FSTL5: variants seen among roughly 807,000 people sequenced by gnomAD.
FSTL5 encodes follistatin-related protein 5.
In FSTL5, 62 loss-of-function variants were observed where a neutral mutation model predicts 89.1. That is an observed-to-expected ratio of 0.70 (90% CI 0.57 to 0.86). The LOEUF is 0.86. FSTL5 is among the 40% of genes least tolerant of loss of function. The pLI is 0.00. For synonymous variants in FSTL5, 383 were observed against 346.2 expected, an observed-to-expected ratio of 1.11 and a Z score of -1.18; for missense variants, 1,057 against 1,001.6, an observed-to-expected ratio of 1.06 and a Z score of -0.75.
chr4:161,811,240 T>C (rs1730136081), intron 4 of FSTL5, among the ~76,000 whole-genome samples: 1 of 151,258 alleles, frequency 6.6e-6, no homozygotes, highest in Admixed American at 6.6e-5. Context: ...ACAACCAGAG[T>C]GCCAAAGGAG....
chr4:162,138,813 G>T (rs1472058102), intron 1 of FSTL5, among the ~76,000 whole-genome samples: 2 of 151,900 alleles, frequency 1.3e-5, no homozygotes, highest in Non-Finnish European at 2.9e-5. Flanking sequence ...ACACAAAATC[G>T]AAAATCTTTA....
At chr4:161,984,903 G>A (rs1447049536) in intron 3 of FSTL5, among the ~76,000 whole-genome samples, 1 of 151,718 alleles carries the variant, frequency 6.6e-6, no homozygotes, top group East Asian at 1.9e-4. Flanking sequence ...CTAGAAATGG[G>A]CTTTAGAATA....
chr4:161,514,949 T>C (rs1730765963), intron 10 of FSTL5, among the ~76,000 whole-genome samples: 1 of 152,042 alleles, frequency 6.6e-6, no homozygotes, highest in Non-Finnish European at 1.5e-5. Flanking sequence ...TACTAGAATA[T>C]AGAAAGTGTA....
chr4:162,162,532 T>C (rs1384145680), intron 1 of FSTL5, among the ~76,000 whole-genome samples: 1 of 152,152 alleles, frequency 6.6e-6, no homozygotes, highest in Non-Finnish European at 1.5e-5. Flanking sequence ...CAATTCCATT[T>C]ATCAGGCAAA....
At chr4:162,102,761 A>G (rs1331023612) in intron 2 of FSTL5, among the ~76,000 whole-genome samples, 3 of 146,690 alleles carry the variant, frequency 2.0e-5, no homozygotes, top group Non-Finnish European at 3.0e-5. Context: ...ATAAATATGT[A>G]TAACATATTT....
Position 162,065,192 on chromosome 4 carries a change from T to C in FSTL5, c.127-31534A>G, listed in dbSNP as rs937108268. ...TTAGAAAAAATCTCTTTGACATTAA[T>C]CTTGGCAATGATTTTTTAGGGTATC... On this transcript the variant is annotated intron_variant, in intron 2 of 15. Coordinates refer to ENST00000306100, the MANE Select transcript of FSTL5 (RefSeq NM_020116.5). 2.6e-5 allele frequency among the ~76,000 whole-genome samples: 4 copies of C among 152,070 alleles called. No homozygotes were observed. The East Asian group carries it at 5.8e-4, about 22-fold the overall frequency.
intron 3 of FSTL5, among the ~76,000 whole-genome samples, chr4:162,006,832 A>G (rs895298263): frequency 4.6e-5 from 7 of 152,040 alleles, no homozygotes; most frequent in African/African-American, 1.7e-4. Flanking sequence ...GATATTTTCA[A>G]ATAATGAATA....
At chr4:161,561,447 A>G (rs1732599196) in intron 8 of FSTL5, among the ~76,000 whole-genome samples, 1 of 151,950 alleles carries the variant, frequency 6.6e-6, no homozygotes, top group Non-Finnish European at 1.5e-5. Context: ...CAGGAACTGC[A>G]TGGTTTGAGA....
chr4:161,414,250 T>C (rs1311344703), intron 15 of FSTL5, among the ~76,000 whole-genome samples: 1 of 152,172 alleles, frequency 6.6e-6, no homozygotes, highest in Non-Finnish European at 1.5e-5. Flanking sequence ...ACTGATGATG[T>C]AGAATCCTGT....
Position 161,926,864 on chromosome 4 carries a change from TA to T in FSTL5, c.161-6213del, listed in dbSNP as rs1443416681. Among the ~76,000 whole-genome samples the T allele has an allele frequency of 2.6e-5, 4 of 151,988 alleles. No homozygotes were observed. The East Asian group carries it at 7.7e-4, about 29-fold the overall frequency. On this transcript the variant is annotated intron_variant, in intron 3 of 15. Coordinates refer to ENST00000306100, the MANE Select transcript of FSTL5 (RefSeq NM_020116.5). ...TTGGCTAAAAGTGAAAGGACTTATT[TA>T]GATGATAAGTTGGTTAGAAGCCAAA...
chr4:161,662,885 A>C (rs1736765374), intron 6 of FSTL5, among the ~76,000 whole-genome samples: 1 of 152,182 alleles, frequency 6.6e-6, no homozygotes, highest in African/African-American at 2.4e-5. Context: ...TTGGACTTAC[A>C]GTTCCACAGA....
At chr4:161,451,505 T>C in intron 15 of FSTL5, among the ~76,000 whole-genome samples, 1 of 152,150 alleles carries the variant, frequency 6.6e-6, no homozygotes, top group East Asian at 1.9e-4. Context: ...AGTTTCCCAG[T>C]AGAGATTACG....
At chr4:161,583,935 C>G (rs768030976) in intron 8 of FSTL5, among the ~76,000 whole-genome samples, 21 of 152,152 alleles carry the variant, frequency 1.4e-4, no homozygotes, top group Non-Finnish European at 2.2e-4. Context: ...AGTCTGTAGT[C>G]CACTGTAATC....
At chr4:161,980,764 CTTTTT>C (rs34223215) in intron 3 of FSTL5, among the ~76,000 whole-genome samples, 2 of 71,826 alleles carry the variant, frequency 2.8e-5, no homozygotes, top group African/African-American at 1.1e-4. Flanking sequence ...CTTCAAGTAA[CTTTTT>C]TTTTTTTTTT....
At chr4:161,634,647 A>G (rs947108372) in intron 7 of FSTL5, among the ~76,000 whole-genome samples, 21 of 152,206 alleles carry the variant, frequency 1.4e-4, no homozygotes, top group African/African-American at 4.8e-4. Flanking sequence ...ATACAAAAAG[A>G]CAAGTACCCT....
intron 15 of FSTL5, among the ~76,000 whole-genome samples, chr4:161,450,333 T>A (rs1257410133): frequency 6.6e-6 from 1 of 152,210 alleles, no homozygotes; most frequent in Non-Finnish European, 1.5e-5. Flanking sequence ...CATAAGAAAC[T>A]GATATTTAAA....
chr4:161,384,293 A>C lies in FSTL5; in HGVS notation c.*1454T>G, dbSNP rs1215629860. ...GACCTTATTGGATTACCTTAAGTAA[A>C]TGGAGGTCATTTCAACAGCCCATTA... On this transcript the variant is annotated 3_prime_UTR_variant, in exon 16 of 16. Coordinates refer to ENST00000306100, the MANE Select transcript of FSTL5 (RefSeq NM_020116.5). 1 of 152,158 alleles carries C rather than the reference A, an allele frequency of 6.6e-6. No individual in the cohort carries two copies. Among genetic ancestry groups the C allele is most frequent in the Non-Finnish European group, 1.5e-5 (1 of 68,004 alleles). The allele number at this position is 152,158 out of a possible 1,614,324, so 9.4% of individuals were successfully genotyped here.
rs756158904 is a variant in FSTL5, at chr4:161,532,078, G to C, written c.1312+6088C>G. Among the ~76,000 whole-genome samples the C allele has an allele frequency of 2.6e-5, 4 of 151,762 alleles. No homozygotes were observed. In the East Asian group the frequency reaches 7.7e-4, roughly 29 times the overall value. On this transcript the variant is annotated intron_variant, in intron 10 of 15. Coordinates refer to ENST00000306100, the MANE Select transcript of FSTL5 (RefSeq NM_020116.5). The stretch of plus-strand genomic sequence containing the variant: ...AAATTAGCCGGGCGTGGTGGTGGGC[G>C]CCTGTAGTCCCAGCTACTTGGGAGG...
rs73863730 is a variant in FSTL5 at position 161,951,576 on chromosome 4, G to A, written c.161-30924C>T. 2.6e-3 allele frequency among the ~76,000 whole-genome samples: 392 copies of A among 152,164 alleles called. 3 individuals carry two copies. Among genetic ancestry groups the A allele is most frequent in the African/African-American group, 8.9e-3 (370 of 41,538 alleles). ...TTCTACATCTTAGAAGCAGAAGTAT[G>A]TAATGCTTGATACTACATGTGTACT... On this transcript the variant is annotated intron_variant, in intron 3 of 15. Coordinates refer to ENST00000306100, the MANE Select transcript of FSTL5 (RefSeq NM_020116.5).
Sources: allele counts gnomAD v4.1 joint callset (sites outside exome capture counted in the v4.1 genomes callset), GRCh38; gene constraint gnomAD v4.1.1; transcripts MANE v1.5; gene names NCBI Gene and HGNC (gene_info 2026-07-23, HGNC 2026-07-21).